Variants in GABRG3 observed in about 807,000 individuals in gnomAD.
GABRG3 encodes the protein gamma-aminobutyric acid type A receptor subunit gamma3.
A neutral mutation model predicts 48.8 loss-of-function variants in GABRG3; 25 were observed. That is an observed-to-expected ratio of 0.51 (90% CI 0.37 to 0.72). GABRG3 has a LOEUF of 0.72. Ranked by LOEUF, GABRG3 falls within the 30% of genes least tolerant of loss-of-function variation. GABRG3 has a pLI of 0.00. For missense variants in GABRG3, 394 were observed against 577.9 expected, an observed-to-expected ratio of 0.68 and a Z score of 3.26; for synonymous variants, 227 against 217.6, an observed-to-expected ratio of 1.04 and a Z score of -0.38.
At chr15:27,253,964 C>T (rs1399900709) in intron 3 of GABRG3, among the ~76,000 whole-genome samples, 3 of 152,182 alleles carry the variant, frequency 2.0e-5, no homozygotes, top group East Asian at 1.9e-4. Context: ...GAGGTTATGT[C>T]GCTTTCCAAT....
rs149865411 is a variant in GABRG3 at position 27,010,990 on chromosome 15, C to T, written c.203-15764C>T. Among the ~76,000 whole-genome samples, 435 of 152,136 alleles carry T rather than the reference C, an allele frequency of 2.9e-3. 3 individuals carry two copies. The highest frequency in any genetic ancestry group is 9.5e-3 in the African/African-American group (394 of 41,494). ...CCTCCAGAGTAGCTGGGATTACAGGCCCACACCACCATGCCCAAGCTAATT... is the reference window on the plus strand; with the variant it reads ...CCTCCAGAGTAGCTGGGATTACAGGTCCACACCACCATGCCCAAGCTAATT... On this transcript the variant is annotated intron_variant, in intron 2 of 9. Coordinates refer to ENST00000615808, the MANE Select transcript of GABRG3 (RefSeq NM_033223.5).
At chr15:27,338,983 G>A (rs1403443128) in intron 5 of GABRG3, among the ~76,000 whole-genome samples, 2 of 152,180 alleles carry the variant, frequency 1.3e-5, no homozygotes, top group Non-Finnish European at 2.9e-5. Context: ...CTGCCTAAGT[G>A]CACTAATGAG....
intron 3 of GABRG3, among the ~76,000 whole-genome samples, chr15:27,251,743 G>A (rs1426315637): frequency 6.6e-6 from 1 of 152,218 alleles, no homozygotes; most frequent in Non-Finnish European, 1.5e-5. Context: ...CAGTGCACAA[G>A]TAGAGTTGGT....
intron 3 of GABRG3, among the ~76,000 whole-genome samples, chr15:27,317,380 A>G (rs757386127): frequency 2.6e-5 from 4 of 152,140 alleles, no homozygotes; most frequent in Non-Finnish European, 5.9e-5. Flanking sequence ...GTTTTTACCA[A>G]TGTAGTCGTG....
At chr15:27,387,083 C>T (rs1895945441) in intron 5 of GABRG3, among the ~76,000 whole-genome samples, 1 of 152,140 alleles carries the variant, frequency 6.6e-6, no homozygotes, top group Non-Finnish European at 1.5e-5. Context: ...ACCCTTTACC[C>T]AGAATCTCCA....
intron 3 of GABRG3, among the ~76,000 whole-genome samples, chr15:27,151,301 GTTAA>G (rs1898307810): frequency 6.7e-6 from 1 of 150,136 alleles, no homozygotes; most frequent in Admixed American, 6.6e-5. Flanking sequence ...TTATAATTTT[GTTAA>G]TTAAAGAATA....
chr15:27,242,012 C>CT (rs1890142206), intron 3 of GABRG3, among the ~76,000 whole-genome samples: 2 of 152,194 alleles, frequency 1.3e-5, no homozygotes, highest in Non-Finnish European at 2.9e-5. Flanking sequence ...GATATGACAG[C>CT]TTCATTAAAA....
At chr15:27,090,840 A>G (rs970083624) in intron 3 of GABRG3, among the ~76,000 whole-genome samples, 2 of 151,958 alleles carry the variant, frequency 1.3e-5, no homozygotes, top group African/African-American at 4.8e-5. Context: ...GGTGCAACTG[A>G]TTTTTGTTGA....
intron 3 of GABRG3, among the ~76,000 whole-genome samples, chr15:27,052,402 A>T (rs563721989): frequency 6.6e-6 from 1 of 152,348 alleles, no homozygotes; most frequent in Non-Finnish European, 1.5e-5. Context: ...CGTGTGGCAC[A>T]GGTGGTAGAA....
chr15:27,090,183 A>G (rs971519746), intron 3 of GABRG3, among the ~76,000 whole-genome samples: 1 of 152,194 alleles, frequency 6.6e-6, no homozygotes, highest in East Asian at 1.9e-4. Context: ...AATAAATTAC[A>G]TGTGATATTC....
intron 5 of GABRG3, among the ~76,000 whole-genome samples, chr15:27,463,515 C>G (rs968781893): frequency 6.6e-6 from 1 of 152,140 alleles, no homozygotes; most frequent in East Asian, 1.9e-4. Flanking sequence ...ACTCCCTGGC[C>G]CTCATTCACA....
chr15:27,012,128 C>G (rs1895700710), intron 2 of GABRG3, among the ~76,000 whole-genome samples: 1 of 152,012 alleles, frequency 6.6e-6, no homozygotes, highest in African/African-American at 2.4e-5. Context: ...TATTATTTTT[C>G]TGTGTGAAGA....
chr15:27,164,616 A>C (rs1366475413), intron 3 of GABRG3, among the ~76,000 whole-genome samples: 1 of 151,938 alleles, frequency 6.6e-6, no homozygotes, highest in Non-Finnish European at 1.5e-5. Flanking sequence ...ATTCAATTTG[A>C]TGTATTTGTC....
intron 5 of GABRG3, among the ~76,000 whole-genome samples, chr15:27,380,407 T>C (rs1895729793): frequency 6.6e-6 from 1 of 152,134 alleles, no homozygotes; most frequent in African/African-American, 2.4e-5. Flanking sequence ...TTCTGTTTAT[T>C]TAAACTGTGT....
At chr15:27,200,047 C>T (rs558858747) in intron 3 of GABRG3, among the ~76,000 whole-genome samples, 25 of 145,650 alleles carry the variant, frequency 1.7e-4, no homozygotes, top group Admixed American at 4.9e-4. Context: ...CTCCCTTTCT[C>T]TCTTCCTTCT....
At chr15:27,381,045 C>T (rs530645197) in intron 5 of GABRG3, among the ~76,000 whole-genome samples, 1 of 152,036 alleles carries the variant, frequency 6.6e-6, no homozygotes, top group Non-Finnish European at 1.5e-5. Context: ...GATTACAGGC[C>T]TGAGCCACCG....
Position 26,976,419 on chromosome 15 carries a change from G to A in GABRG3, c.54-583G>A, listed in dbSNP as rs891531730. ...TCTTCACCAGTCATCAGCGAACATCGCTGTCCTTGCCTCCAATCTGAGTGC... is the reference window on the plus strand; with the variant it reads ...TCTTCACCAGTCATCAGCGAACATCACTGTCCTTGCCTCCAATCTGAGTGC... On this transcript the variant is annotated intron_variant, in intron 1 of 9. Transcript: ENST00000615808. The surrounding 1 kb of genome is among the most constrained non-coding windows in gnomAD (Gnocchi z 7.8). Among the ~76,000 whole-genome samples, 8 of 152,330 alleles carry A rather than the reference G, an allele frequency of 5.3e-5. No individual in the cohort carries two copies. The highest frequency in any genetic ancestry group is 6.8e-3 in the Middle Eastern group (2 of 294).
chr15:27,475,955 G>A (rs1316888843), intron 5 of GABRG3, among the ~76,000 whole-genome samples: 22 of 152,102 alleles, frequency 1.4e-4, no homozygotes, highest in Non-Finnish European at 2.9e-4. Flanking sequence ...AAGTAGGGGC[G>A]AGGAATTCGA....
At chr15:27,239,580 T>C (rs1469034850) in intron 3 of GABRG3, among the ~76,000 whole-genome samples, 1 of 152,214 alleles carries the variant, frequency 6.6e-6, no homozygotes, top group Non-Finnish European at 1.5e-5. Context: ...ATATTTATTT[T>C]TCTAATATGA....
Sources: allele counts gnomAD v4.1 joint callset (sites outside exome capture counted in the v4.1 genomes callset), GRCh38; gene constraint gnomAD v4.1.1; non-coding constraint Gnocchi (gnomAD v3.1); transcripts MANE v1.5; gene names NCBI Gene and HGNC (gene_info 2026-07-23, HGNC 2026-07-21).